The following PCDH9 variants were observed in gnomAD, a reference collection of about 807,000 sequenced individuals.
PCDH9 encodes protocadherin 9.
Under a neutral mutation model 70.6 loss-of-function variants are expected in PCDH9, and 24 were observed. The observed-to-expected ratio is 0.34, with a 90% confidence interval of 0.25 to 0.48. The LOEUF is 0.48. Among genes scored for constraint, PCDH9 ranks in the 20% least tolerant of loss-of-function variants. PCDH9 has a pLI of 0.99. For missense variants in PCDH9, 1,281 were observed against 1,503.6 expected (o/e 0.85, Z 2.45); for synonymous variants, 562 against 558.5 (o/e 1.01, Z -0.09).
intron 3 of PCDH9, among the ~76,000 whole-genome samples, chr13:66,633,731 G>A (rs1337948959): frequency 1.3e-5 from 2 of 152,210 alleles, no homozygotes; most frequent in East Asian, 3.9e-4. Context: ...AAGCATTTCT[G>A]GAAGTCCCTT....
At chr13:67,141,840 T>G (rs945732143) in intron 2 of PCDH9, among the ~76,000 whole-genome samples, 4 of 152,084 alleles carry the variant, frequency 2.6e-5, no homozygotes, top group African/African-American at 9.7e-5. Flanking sequence ...CTCAAGAGAT[T>G]GCACCTCCTT....
chr13:66,749,719 C>T (rs2079428135), intron 3 of PCDH9, among the ~76,000 whole-genome samples: 2 of 152,116 alleles, frequency 1.3e-5, no homozygotes, highest in Non-Finnish European at 2.9e-5. Flanking sequence ...TGGATGCCTA[C>T]CCCTTACTAG....
intron 3 of PCDH9, among the ~76,000 whole-genome samples, chr13:66,690,918 C>T (rs1253852804): frequency 5.3e-5 from 8 of 152,204 alleles, no homozygotes. Flanking sequence ...AGCAGTGTCA[C>T]CAGCGTAAGC....
At chr13:67,064,526 TCTGAA>T (rs1156259267) in intron 2 of PCDH9, among the ~76,000 whole-genome samples, 10 of 152,184 alleles carry the variant, frequency 6.6e-5, no homozygotes, top group Admixed American at 2.6e-4. Flanking sequence ...ATTAAACTTC[TCTGAA>T]CTGAAGTCTT....
At chr13:66,879,666 C>A (rs1170720961) in intron 3 of PCDH9, among the ~76,000 whole-genome samples, 1 of 151,742 alleles carries the variant, frequency 6.6e-6, no homozygotes, top group Non-Finnish European at 1.5e-5. Flanking sequence ...TAAAAATAAC[C>A]TCAACTAAAA....
intron 2 of PCDH9, among the ~76,000 whole-genome samples, chr13:66,934,558 G>GAAAAAGAAAAGAA (rs1555288045): frequency 1.6e-4 from 22 of 134,840 alleles, no homozygotes; most frequent in African/African-American, 4.9e-4. Context: ...AAAAAAAAAA[G>GAAAAAGAAAAGAA]AAAAAGAAAA....
chr13:66,490,868 C>T (rs1257081732), intron 4 of PCDH9, among the ~76,000 whole-genome samples: 1 of 152,098 alleles, frequency 6.6e-6, no homozygotes, highest in Non-Finnish European at 1.5e-5. Flanking sequence ...AAATGTATTT[C>T]CTTAGTTAGA....
At chr13:66,701,259 G>A (rs2078643311) in intron 3 of PCDH9, among the ~76,000 whole-genome samples, 2 of 150,962 alleles carry the variant, frequency 1.3e-5, no homozygotes, top group South Asian at 2.1e-4. Flanking sequence ...AACAACAACC[G>A]TTTTTGTGTA....
intron 4 of PCDH9, among the ~76,000 whole-genome samples, chr13:66,624,152 G>A (rs2077469357): frequency 6.6e-6 from 1 of 152,128 alleles, no homozygotes. Flanking sequence ...AACTGTTCCT[G>A]ATCTGAACAC....
intron 4 of PCDH9, among the ~76,000 whole-genome samples, chr13:66,611,138 A>G (rs2077289538): frequency 6.6e-6 from 1 of 152,156 alleles, no homozygotes; most frequent in Non-Finnish European, 1.5e-5. Flanking sequence ...AATGAAACCA[A>G]TGCCTGAACT....
intron 2 of PCDH9, among the ~76,000 whole-genome samples, chr13:66,967,395 G>T (rs2083448645): frequency 6.6e-6 from 1 of 151,990 alleles, no homozygotes; most frequent in South Asian, 2.1e-4. Flanking sequence ...TTGAAAGTTA[G>T]TTCCTCAATC....
At chr13:66,808,998 A>T (rs1039295897) in intron 3 of PCDH9, among the ~76,000 whole-genome samples, 12 of 152,188 alleles carry the variant, frequency 7.9e-5, no homozygotes, top group African/African-American at 2.9e-4. Context: ...CCCACGCTGG[A>T]GTGCGGTGGC....
intron 3 of PCDH9, among the ~76,000 whole-genome samples, chr13:66,690,871 C>T (rs977993288): frequency 6.6e-6 from 1 of 152,138 alleles, no homozygotes; most frequent in Non-Finnish European, 1.5e-5. Context: ...AGAATGCAAG[C>T]AAGACCTCTG....
chr13:66,762,321 T>A (rs2079642461), intron 3 of PCDH9, among the ~76,000 whole-genome samples: 1 of 152,036 alleles, frequency 6.6e-6, no homozygotes, highest in Non-Finnish European at 1.5e-5. Flanking sequence ...ATGCATTCCC[T>A]CCTAGCACTG....
intron 2 of PCDH9, among the ~76,000 whole-genome samples, chr13:67,159,817 A>G (rs929437730): frequency 6.6e-6 from 1 of 152,230 alleles, no homozygotes; most frequent in Non-Finnish European, 1.5e-5. Context: ...AATTAGTGCA[A>G]AGAAAACAGA....
chr13:66,703,379 G>A (rs184434839), intron 3 of PCDH9, among the ~76,000 whole-genome samples: 40 of 152,138 alleles, frequency 2.6e-4, no homozygotes, highest in Admixed American at 2.2e-3. Context: ...CTTTGTTTAC[G>A]TAACTAATAG....
At chr13:66,730,881 T>TG (rs1220973297) in intron 3 of PCDH9, among the ~76,000 whole-genome samples, 5 of 15,804 alleles carry the variant, frequency 3.2e-4, no homozygotes, top group Non-Finnish European at 1.6e-3. Flanking sequence ...TGTGTGTTTT[T>TG]TTTTTGTTTG....
intron 4 of PCDH9, among the ~76,000 whole-genome samples, chr13:66,546,702 G>A (rs1411768921): frequency 2.0e-5 from 3 of 152,018 alleles, no homozygotes; most frequent in East Asian, 3.9e-4. Context: ...GGGCTTTCCC[G>A]CTCACTGCTC....
intron 3 of PCDH9, among the ~76,000 whole-genome samples, chr13:66,651,428 A>G (rs2077850102): frequency 6.6e-6 from 1 of 152,012 alleles, no homozygotes; most frequent in African/African-American, 2.4e-5. Flanking sequence ...TCCCAGACAC[A>G]TACAACCTAC....
Sources: gnomAD v4.1 joint callset for allele counts (sites outside exome capture counted in the v4.1 genomes callset) on GRCh38, gnomAD v4.1.1 for gene constraint, MANE v1.5 for transcripts, NCBI Gene and HGNC (gene_info 2026-07-23, HGNC 2026-07-21) for gene names.